GPR39: variants seen among roughly 807,000 people sequenced by gnomAD.
GPR39 encodes the protein G protein-coupled receptor 39, also known as zinc sensing receptor.
GPR39 carries 23 observed loss-of-function variants against 18.4 expected under a neutral mutation model. The observed-to-expected ratio is 1.25, with a 90% CI of 0.90 to 1.77. The LOEUF is 1.77. GPR39 is among the 40% of genes most tolerant of loss of function. The pLI is 0.00. For missense variants in GPR39, 647 were observed against 602.4 expected, an observed-to-expected ratio of 1.07 and a Z score of -0.78; for synonymous variants, 280 against 257.9, an observed-to-expected ratio of 1.09 and a Z score of -0.82.
intron 1 of GPR39, among the ~76,000 whole-genome samples, chr2:132,604,220 CCTT>C (rs1416448416): frequency 6.6e-6 from 1 of 152,132 alleles, no homozygotes. Flanking sequence ...TTAACTTTCT[CCTT>C]CTGTCTTCCC....
chr2:132,497,966 CAATCTGCATTTATCATTG>C (rs1257103589), intron 1 of GPR39, among the ~76,000 whole-genome samples: 3 of 152,194 alleles, frequency 2.0e-5, no homozygotes, highest in Non-Finnish European at 4.4e-5. Context: ...TAAAAGGCTC[CAATCTGCATTTATCATTG>C]AATCTGCATC....
chr2:132,520,386 G>C (rs1295101879), intron 1 of GPR39, among the ~76,000 whole-genome samples: 1 of 152,212 alleles, frequency 6.6e-6, no homozygotes, highest in Non-Finnish European at 1.5e-5. Flanking sequence ...CTCAGTGCCT[G>C]ATGCTTAGTA....
At chr2:132,583,140 T>C (rs1573680692) in intron 1 of GPR39, among the ~76,000 whole-genome samples, 2 of 152,218 alleles carry the variant, frequency 1.3e-5, no homozygotes, top group East Asian at 1.9e-4. Flanking sequence ...CTCACACTCC[T>C]GACCTCAAGT....
At chr2:132,529,657 T>C (rs1208200069) in intron 1 of GPR39, among the ~76,000 whole-genome samples, 2 of 152,082 alleles carry the variant, frequency 1.3e-5, no homozygotes, top group East Asian at 3.9e-4. Context: ...AGACAAAACT[T>C]CCAGAGGAAC....
intron 1 of GPR39, among the ~76,000 whole-genome samples, chr2:132,441,268 C>T (rs1470579278): frequency 1.3e-5 from 2 of 152,160 alleles, no homozygotes; most frequent in African/African-American, 2.4e-5. Flanking sequence ...GGATCATGGT[C>T]AGGGCAGACA....
intron 1 of GPR39, among the ~76,000 whole-genome samples, chr2:132,473,005 G>A (rs112308821): frequency 0.018 from 2,786 of 152,046 alleles, 98 homozygotes; most frequent in African/African-American, 0.063. Flanking sequence ...CAGATTTGCT[G>A]CAACATACAG....
intron 1 of GPR39, among the ~76,000 whole-genome samples, chr2:132,601,758 C>A (rs929454762): frequency 1.3e-5 from 2 of 152,062 alleles, no homozygotes; most frequent in African/African-American, 4.8e-5. Context: ...TCAGTAGTGT[C>A]TTTATACACC....
At chr2:132,612,729 A>T (rs1350850613) in intron 1 of GPR39, among the ~76,000 whole-genome samples, 1 of 152,216 alleles carries the variant, frequency 6.6e-6, no homozygotes, top group Non-Finnish European at 1.5e-5. Flanking sequence ...CATTATTGTA[A>T]CTTTATAATA....
chr2:132,635,577 G>A (rs1289054341), intron 1 of GPR39, among the ~76,000 whole-genome samples: 1 of 152,108 alleles, frequency 6.6e-6, no homozygotes, highest in Non-Finnish European at 1.5e-5. Context: ...GGATGAGGAG[G>A]GTGTGGTCTC....
chr2:132,628,008 T>C (rs1486493261), intron 1 of GPR39, among the ~76,000 whole-genome samples: 1 of 152,176 alleles, frequency 6.6e-6, no homozygotes, highest in Non-Finnish European at 1.5e-5. Flanking sequence ...TCAGGTGTTA[T>C]ATTTTGGGCT....
intron 1 of GPR39, among the ~76,000 whole-genome samples, chr2:132,424,755 T>C (rs1316794376): frequency 6.6e-6 from 1 of 152,152 alleles, no homozygotes; most frequent in Non-Finnish European, 1.5e-5. Context: ...CCAATTTGGG[T>C]CAAAGTACAG....
intron 1 of GPR39, among the ~76,000 whole-genome samples, chr2:132,589,589 G>T (rs150024618): frequency 1.8e-3 from 281 of 152,262 alleles, no homozygotes; most frequent in African/African-American, 6.6e-3. Context: ...AGAGCGTCTG[G>T]GCTGTGTGTG....
chr2:132,547,721 G>C (rs1679974848), intron 1 of GPR39, among the ~76,000 whole-genome samples: 1 of 152,132 alleles, frequency 6.6e-6, no homozygotes. Flanking sequence ...CACACACCAA[G>C]TTGGGTAACT....
At chr2:132,625,084 T>G (rs1681517077) in intron 1 of GPR39, among the ~76,000 whole-genome samples, 1 of 152,066 alleles carries the variant, frequency 6.6e-6, no homozygotes, top group Admixed American at 6.5e-5. Flanking sequence ...TTTTTTTTTT[T>G]TTTTGCTTCT....
chr2:132,527,102 G>T (rs1327635401), intron 1 of GPR39, among the ~76,000 whole-genome samples: 1 of 151,890 alleles, frequency 6.6e-6, no homozygotes, highest in Admixed American at 6.6e-5. Context: ...CCTTCCCCTC[G>T]CTCCCCACCC....
intron 1 of GPR39, among the ~76,000 whole-genome samples, chr2:132,479,654 C>T (rs903425266): frequency 6.6e-6 from 1 of 152,264 alleles, no homozygotes; most frequent in Admixed American, 6.5e-5. Context: ...CAATGTGATA[C>T]CACCTCATAC....
At chr2:132,495,706 TG>T (rs1216727449) in intron 1 of GPR39, among the ~76,000 whole-genome samples, 1 of 152,152 alleles carries the variant, frequency 6.6e-6, no homozygotes. Context: ...AGTGTTCCTC[TG>T]GAGAAGCAGT....
intron 1 of GPR39, among the ~76,000 whole-genome samples, chr2:132,519,009 G>A (rs997479181): frequency 3.3e-5 from 5 of 152,148 alleles, no homozygotes; most frequent in Non-Finnish European, 7.3e-5. Context: ...TTCCCTCTTT[G>A]GAGTTTGTAG....
chr2:132,639,341 T>A (rs1681819821), intron 1 of GPR39, among the ~76,000 whole-genome samples: 1 of 151,796 alleles, frequency 6.6e-6, no homozygotes, highest in Non-Finnish European at 1.5e-5. Flanking sequence ...AGAGAGAAAT[T>A]GAAAAATAGA....
Sources: gnomAD v4.1 joint callset for allele counts (sites outside exome capture counted in the v4.1 genomes callset) on GRCh38, gnomAD v4.1.1 for gene constraint, MANE v1.5 for transcripts, NCBI Gene and HGNC (gene_info 2026-07-23, HGNC 2026-07-21) for gene names.